Variants in PNPLA7 observed in about 807,000 individuals in gnomAD.
PNPLA7 encodes the protein patatin-like phospholipase domain-containing protein 7.
In PNPLA7, 153 loss-of-function variants were observed where a neutral mutation model predicts 161.7. That is an observed-to-expected ratio of 0.95 (90% CI 0.83 to 1.08). The LOEUF is 1.08. PNPLA7 is among the 50% of genes least tolerant of loss of function. The pLI is 0.00. For missense variants in PNPLA7, 1,739 were observed against 1,856.6 expected, an observed-to-expected ratio of 0.94 and a Z score of 1.16; for synonymous variants, 809 against 782.1, an observed-to-expected ratio of 1.03 and a Z score of -0.57.
intron 21 of PNPLA7, among the ~76,000 whole-genome samples, chr9:137,482,492 G>A (rs754454200): frequency 2.0e-5 from 3 of 152,272 alleles, no homozygotes; most frequent in Non-Finnish European, 4.4e-5. Context: ...AGGCTACACC[G>A]TGTGGTTCCA....
chr9:137,462,497 G>A (rs1021607566), intron 30 of PNPLA7, 166 bp from the exon 31 acceptor site: 10 of 1,385,016 alleles, frequency 7.2e-6, no homozygotes, highest in Non-Finnish European at 9.6e-6. Context: ...GGCTGCCACA[G>A]CCTTCAGGCC....
intron 33 of PNPLA7, chr9:137,460,973 G>C (rs564204991): frequency 3.5e-4 from 184 of 522,794 alleles, no homozygotes; most frequent in African/African-American, 3.3e-3. Flanking sequence ...GACAAGGAGC[G>C]GGCAGACACT....
rs959651513 is a variant in PNPLA7, at chr9:137,524,467, G to A, written c.748-1610C>T. On this transcript the variant is annotated intron_variant, in intron 8 of 34. Transcript: ENST00000406427. This position sits in a 1 kb window ranked among gnomAD's most constrained non-coding sequence, Gnocchi z 4.4. ...CAGGGTCTCCGTCCATTCAGCAGTC[G>A]AAGGATATTTGTGTTGTTTCCACTG... Among the ~76,000 whole-genome samples, 8 of 152,336 alleles carry A rather than the reference G, an allele frequency of 5.3e-5. No homozygotes were observed. The highest frequency in any genetic ancestry group is 3.4e-3 in the Middle Eastern group (1 of 294).
chr9:137,481,115 A>C (rs1269887809), intron 21 of PNPLA7, 92 bp from the exon 22 acceptor site: 1 of 1,383,838 alleles, frequency 7.2e-7, no homozygotes, highest in African/African-American at 1.4e-5. Context: ...ACCGACGCCG[A>C]GCCAGGCACC....
chr9:137,545,655 C>T (rs1416328684), intron 4 of PNPLA7, among the ~76,000 whole-genome samples: 4 of 152,146 alleles, frequency 2.6e-5, no homozygotes, highest in Non-Finnish European at 5.9e-5. Flanking sequence ...GTAGCAATTA[C>T]TCTTTATTCC....
chr9:137,480,537 CAT>C, intron 22 of PNPLA7, 57 bp from the exon 23 acceptor site: 8 of 1,541,944 alleles, frequency 5.2e-6, no homozygotes, highest in Non-Finnish European at 7.0e-6. Context: ...ACTCTTAGCA[CAT>C]GTCCCCGGGG....
rs1833905499 is a variant in PNPLA7 at position 137,506,080 on chromosome 9, C to A, written c.1229G>T (p.Gly410Val). Residue 410 changes from glycine (G) to valine (V), a missense_variant, in exon 13 of 35, where the codon GGC (glycine) becomes GTC (valine). Gly to Val is a moderately radical substitution (Grantham distance 109, BLOSUM62 -3). This residue lies in a region of PNPLA7 where 481 missense variants were observed against 450.0 expected (regional missense o/e 1.07). Transcript: ENST00000406427. Reference sequence around the variant, plus strand: ...CAGATCAGAAGTGGCACTGCCTGGGCCCCCTACACACAGAGGGGACACTCA... The same window carrying A: ...CAGATCAGAAGTGGCACTGCCTGGGACCCCTACACACAGAGGGGACACTCA... The part of the protein sequence containing the change: ...GDPDPSAPQG[G>V]PGSATSDLGM... 1 of 1,610,996 alleles carries A rather than the reference C, an allele frequency of 6.2e-7. No homozygotes were observed. The highest frequency in any genetic ancestry group is 8.5e-7 in the Non-Finnish European group (1 of 1,178,864).
intron 8 of PNPLA7, among the ~76,000 whole-genome samples, chr9:137,526,852 T>C (rs1036037424): frequency 6.6e-6 from 1 of 152,248 alleles, no homozygotes; most frequent in Non-Finnish European, 1.5e-5. Context: ...ATTTTCAATC[T>C]AGATAATCAT....
chr9:137,501,856 G>A (rs761511463), intron 14 of PNPLA7, 129 bp from the exon 15 acceptor site: 86 of 909,418 alleles, frequency 9.5e-5, no homozygotes, highest in African/African-American at 3.8e-4. Flanking sequence ...GCCCTCCTCC[G>A]AGGCTGTCCT....
intron 8 of PNPLA7, among the ~76,000 whole-genome samples, chr9:137,525,226 C>A (rs1016255805): frequency 6.6e-6 from 1 of 152,224 alleles, no homozygotes; most frequent in East Asian, 1.9e-4. Context: ...CAACACACAT[C>A]AGTGTGCCAG....
chr9:137,542,769 AG>A lies in PNPLA7; in HGVS notation c.538del (p.Leu180TrpfsTer50), dbSNP rs745472369. 1 of 1,613,772 alleles carries A rather than the reference AG, an allele frequency of 6.2e-7. No homozygotes were observed. Among genetic ancestry groups the A allele is most frequent in the Non-Finnish European group, 8.5e-7 (1 of 1,179,932 alleles). On this transcript the variant is annotated frameshift_variant, in exon 7 of 35. Coordinates refer to ENST00000406427, the MANE Select transcript of PNPLA7 (RefSeq NM_001098537.3). LOFTEE classifies it high-confidence loss of function. ...AAAGACGATGTGTTTGCAAAGCTCC[AG>A]GAACAGCGGCTTCTCAAAGTGGCCC... ...VLGHFEKPLF[L>X]ELCKHIVFVQ...
At chr9:137,491,964 A>G in intron 20 of PNPLA7, 1 of 985,472 alleles carries the variant, frequency 1.0e-6, no homozygotes, top group South Asian at 4.7e-5. Flanking sequence ...ACGCGGGAGC[A>G]GCCAGGCTCT....
At chr9:137,501,488 C>T (rs1331016411) in intron 15 of PNPLA7, among the ~76,000 whole-genome samples, 162 bp downstream of exon 15, 3 of 152,204 alleles carry the variant, frequency 2.0e-5, no homozygotes, top group African/African-American at 4.8e-5. Context: ...CTCAGGGCTG[C>T]CTGAGGGGAG....
Position 137,481,025 on chromosome 9 carries a change from T to C in PNPLA7, c.2348-2A>G. ...CACTAGTCAGCAGCAGGGTCGGGCC[T>C]GAAAACACCACCACCAGTAACGGAG... On this transcript the variant is annotated splice_acceptor_variant, in intron 21 of 34. Coordinates refer to ENST00000406427, the MANE Select transcript of PNPLA7 (RefSeq NM_001098537.3). LOFTEE classifies it high-confidence loss of function. The C allele has an allele frequency of 6.4e-7, 1 of 1,551,626 alleles. No individual in the cohort carries two copies. Among genetic ancestry groups the C allele is most frequent in the Non-Finnish European group, 8.7e-7 (1 of 1,146,940 alleles).
At chr9:137,513,847 T>G (rs1834359835) in intron 12 of PNPLA7, among the ~76,000 whole-genome samples, 1 of 152,212 alleles carries the variant, frequency 6.6e-6, no homozygotes. Flanking sequence ...TCCAGAATCC[T>G]GCAGAAAGTG....
At position 137,480,406 on chromosome 9, in the gene PNPLA7, T is replaced by A; in HGVS notation, c.2486A>T (p.Asp829Val). The A allele has an allele frequency of 6.2e-7, 1 of 1,613,508 alleles. No individual in the cohort carries two copies. Among genetic ancestry groups the A allele is most frequent in the Non-Finnish European group, 8.5e-7 (1 of 1,179,906 alleles). The change falls in exon 23 of 35, where the codon GAT (aspartate) becomes GTT (valine). Residue 829 changes from aspartate (D) to valine (V), a missense_variant. Asp to Val is a radical substitution (Grantham distance 152). Around this residue, in one of 6 missense-constraint regions of PNPLA7, gnomAD observed 192 missense variants for 249.5 expected, o/e 0.77. Transcript: ENST00000406427. ...CTGGGTCCAGGGTGTGAGCGTGCCA[T>A]CTGCCTGGTAGAGCACGATCCTGTG... ...DTHRIVLYQA[D>V]GTLTPWTQRC... is the part of the protein sequence containing the mutation.
At chr9:137,515,618 G>A in intron 11 of PNPLA7, 99 bp from the exon 12 acceptor site, 1 of 1,386,606 alleles carries the variant, frequency 7.2e-7, no homozygotes, top group South Asian at 1.5e-5. Flanking sequence ...TCCCCACAGT[G>A]CCCTGCGCAC....
intron 25 of PNPLA7, among the ~76,000 whole-genome samples, chr9:137,472,097 C>T (rs1831734066): frequency 7.1e-6 from 1 of 141,836 alleles, no homozygotes; most frequent in Admixed American, 7.1e-5. Flanking sequence ...GATAGAGAAA[C>T]ACACCAGTGG....
chr9:137,489,809 CAG>C (rs1304079519), intron 20 of PNPLA7, among the ~76,000 whole-genome samples: 38 of 152,116 alleles, frequency 2.5e-4, no homozygotes, highest in African/African-American at 9.2e-4. Flanking sequence ...ATCTTAACAT[CAG>C]AGAGAGAAAA....
Sources: allele counts gnomAD v4.1 joint callset (sites outside exome capture counted in the v4.1 genomes callset), GRCh38; gene constraint gnomAD v4.1.1; regional missense constraint gnomAD v4.1.1; non-coding constraint Gnocchi (gnomAD v3.1); transcripts MANE v1.5; gene names NCBI Gene and HGNC (gene_info 2026-07-23, HGNC 2026-07-21).